Variants in CLASP2 observed in about 807,000 individuals in gnomAD.
The protein encoded by CLASP2 is CLIP-associating protein 2.
Under a neutral mutation model 194.4 loss-of-function variants are expected in CLASP2, and 47 were observed. That is an observed-to-expected ratio of 0.24 (90% CI 0.19 to 0.31). The LOEUF (loss-of-function observed/expected upper bound fraction) is 0.31. CLASP2 is among the 10% of genes least tolerant of loss of function. The pLI is 1.00. For missense variants in CLASP2, 1,445 were observed against 1,823.6 expected, an observed-to-expected ratio of 0.79 and a Z score of 3.78; for synonymous variants, 619 against 633.5, an observed-to-expected ratio of 0.98 and a Z score of 0.34.
chr3:33,529,071 C>T (rs2055434103), intron 34 of CLASP2, among the ~76,000 whole-genome samples: 1 of 152,088 alleles, frequency 6.6e-6, no homozygotes, highest in Admixed American at 6.6e-5. Flanking sequence ...ATCCCATTCA[C>T]AACTGCCATA....
rs1576649698 is a variant in CLASP2, at chr3:33,576,111, TC to T, written c.2454+57del. 5.2e-6 allele frequency: 7 copies of T among 1,338,384 alleles called. No homozygotes were observed. In the East Asian group the frequency reaches 1.6e-4, roughly 31 times the overall value. The allele number at this position is 1,338,384 out of a possible 1,614,324, so 82.9% of individuals were successfully genotyped here. ...TTCCCACATGGATAGACTGGCCTAC[TC>T]ATTCAACAGTTTCGTAATTGGAACA... is the stretch of plus-strand genomic sequence containing the variant. On this transcript the variant is annotated intron_variant, in intron 24 of 38. Coordinates refer to ENST00000682230, the MANE Select transcript of CLASP2 (RefSeq NM_001365631.1).
chr3:33,659,372 CA>C (rs2084893960), intron 7 of CLASP2: 1 of 1,059,172 alleles, frequency 9.4e-7, no homozygotes, highest in South Asian at 4.5e-5. Context: ...ATGCAATCAT[CA>C]AAACACAAGG....
intron 1 of CLASP2, among the ~76,000 whole-genome samples, chr3:33,710,912 CGACTGAGTGA>C (rs1559711149): frequency 6.6e-6 from 1 of 152,112 alleles, no homozygotes; most frequent in African/African-American, 2.4e-5. Context: ...TCCAGCCTGG[CGACTGAGTGA>C]GACTCCATCT....
chr3:33,652,218 C>G (rs1231987091), intron 7 of CLASP2, among the ~76,000 whole-genome samples: 9 of 152,174 alleles, frequency 5.9e-5, no homozygotes, highest in Non-Finnish European at 4.4e-5. Flanking sequence ...CAAAGTTCCT[C>G]TCTTCCCTTG....
intron 23 of CLASP2, chr3:33,576,565 C>T (rs2064935950): frequency 2.9e-6 from 1 of 342,214 alleles, no homozygotes; most frequent in African/African-American, 2.1e-5. Context: ...AGTCTATAGC[C>T]CTGTAATCCA....
intron 34 of CLASP2, among the ~76,000 whole-genome samples, chr3:33,521,721 G>A (rs553637364): frequency 3.3e-5 from 5 of 152,330 alleles, no homozygotes; most frequent in Admixed American, 3.3e-4. Context: ...GGAAGCATCA[G>A]GACTCTGTCT....
chr3:33,548,796 G>GTC (rs1427013491), intron 30 of CLASP2, among the ~76,000 whole-genome samples: 7 of 134,974 alleles, frequency 5.2e-5, no homozygotes, highest in Non-Finnish European at 9.3e-5. Flanking sequence ...TGAGTTGGGA[G>GTC]TCTCACTATC....
At chr3:33,612,830 T>C (rs1482792160) in intron 12 of CLASP2, among the ~76,000 whole-genome samples, 1 of 151,976 alleles carries the variant, frequency 6.6e-6, no homozygotes, top group Admixed American at 6.6e-5. Context: ...ATGTGGGAGA[T>C]AAACAAAAGT....
At chr3:33,628,979 T>G (rs1044808358) in intron 9 of CLASP2, among the ~76,000 whole-genome samples, 18 of 151,908 alleles carry the variant, frequency 1.2e-4, no homozygotes, top group Non-Finnish European at 2.1e-4. Context: ...GTGACTATAG[T>G]CAACAGTGCT....
At chr3:33,656,526 G>A (rs935422364) in intron 7 of CLASP2, among the ~76,000 whole-genome samples, 3 of 152,118 alleles carry the variant, frequency 2.0e-5, no homozygotes, top group Non-Finnish European at 4.4e-5. Context: ...ACTACTGGTG[G>A]GAGTGTATGT....
At position 33,528,580 on chromosome 3, in the gene CLASP2, G is replaced by A. The variant is rs367571776; in HGVS notation, c.3787+6653C>T. The stretch of plus-strand genomic sequence containing the variant: ...AATTTGAGACCAGCCTGGCCAACAT[G>A]GTGAAACCCCATCTCTACTAAAAAT... On this transcript the variant is annotated intron_variant, in intron 34 of 38. Transcript: ENST00000682230. Among the ~76,000 whole-genome samples, 16 of 152,176 alleles carry A rather than the reference G, an allele frequency of 1.1e-4. No homozygotes were observed. In the East Asian group the frequency reaches 2.3e-3, roughly 22 times the overall value.
intron 11 of CLASP2, 140 bp downstream of exon 11, chr3:33,621,995 A>G: frequency 3.6e-6 from 2 of 557,430 alleles, no homozygotes; most frequent in Non-Finnish European, 5.6e-6. Flanking sequence ...ATACAGATTG[A>G]ATCCTTATGT....
At chr3:33,510,859 A>T (rs6767854) in intron 36 of CLASP2, 95 bp from the exon 37 acceptor site, 343,655 of 1,119,946 alleles carry the variant, frequency 0.31, 55,547 homozygotes, top group Admixed American at 0.5. Context: ...AATATAATAT[A>T]TGGAATTTGC....
At chr3:33,677,525 A>G (rs1019341158) in intron 6 of CLASP2, among the ~76,000 whole-genome samples, 2 of 131,084 alleles carry the variant, frequency 1.5e-5, no homozygotes, top group Non-Finnish European at 3.1e-5. Context: ...GGACACAGGA[A>G]GGGGAACATC....
At chr3:33,579,083 T>C (rs769703119) in intron 23 of CLASP2, among the ~76,000 whole-genome samples, 1 of 152,194 alleles carries the variant, frequency 6.6e-6, no homozygotes, top group Non-Finnish European at 1.5e-5. Context: ...CTTTCATCCC[T>C]GCAAAACAAA....
intron 30 of CLASP2, among the ~76,000 whole-genome samples, chr3:33,549,381 T>C (rs2059642064): frequency 6.6e-6 from 1 of 152,222 alleles, no homozygotes; most frequent in Non-Finnish European, 1.5e-5. Context: ...CCTAGAAGCA[T>C]TGCTTGAGCT....
chr3:33,717,120 T>A (rs568047558), intron 1 of CLASP2, among the ~76,000 whole-genome samples: 12 of 152,322 alleles, frequency 7.9e-5, no homozygotes, highest in African/African-American at 2.9e-4. Flanking sequence ...TTGTAACTTT[T>A]TCCCCCCCAG....
At chr3:33,705,019 A>G (rs1401168508) in intron 1 of CLASP2, among the ~76,000 whole-genome samples, 1 of 152,108 alleles carries the variant, frequency 6.6e-6, no homozygotes, top group African/African-American at 2.4e-5. Context: ...AATTTACCAC[A>G]TGGCCCAGGA....
intron 21 of CLASP2, chr3:33,588,626 TG>T: frequency 2.9e-6 from 2 of 687,766 alleles, no homozygotes; most frequent in South Asian, 3.1e-5. Flanking sequence ...TAAGAATTTC[TG>T]CTGAATAGAA....
Sources: allele counts gnomAD v4.1 joint callset (sites outside exome capture counted in the v4.1 genomes callset), GRCh38; gene constraint gnomAD v4.1.1; transcripts MANE v1.5; gene names NCBI Gene and HGNC (gene_info 2026-07-23, HGNC 2026-07-21).